SCFD1: variants seen among roughly 807,000 people sequenced by gnomAD.
SCFD1 encodes sec1 family domain containing 1, also known as sec1 family domain-containing protein 1.
Under a neutral mutation model 103.2 loss-of-function variants are expected in SCFD1, and 37 were observed. That is an observed-to-expected ratio of 0.36 (90% confidence interval 0.28 to 0.47). The LOEUF is 0.47. Ranked by LOEUF, SCFD1 falls within the 20% of genes least tolerant of loss-of-function variation. SCFD1 has a pLI of 1.00. For missense variants in SCFD1, 639 were observed against 761.2 expected (o/e 0.84, Z 1.89); for synonymous variants, 264 against 245.0 (o/e 1.08, Z -0.73).
At chr14:30,669,043 A>G (rs1374655655) in intron 10 of SCFD1, among the ~76,000 whole-genome samples, 2 of 152,148 alleles carry the variant, frequency 1.3e-5, no homozygotes, top group South Asian at 2.1e-4. Flanking sequence ...CAGCAATCCC[A>G]TTACTGGGTA....
At chr14:30,706,595 A>T (rs560894768) in intron 18 of SCFD1, among the ~76,000 whole-genome samples, 1 of 152,338 alleles carries the variant, frequency 6.6e-6, no homozygotes, top group Non-Finnish European at 1.5e-5. Flanking sequence ...TTCAGGATAG[A>T]TTCAAGCAGT....
chr14:30,731,619 G>A (rs1332745017), intron 23 of SCFD1, among the ~76,000 whole-genome samples: 1 of 152,126 alleles, frequency 6.6e-6, no homozygotes, highest in Admixed American at 6.5e-5. Flanking sequence ...AAGCAATTGT[G>A]AATGGGAGTT....
chr14:30,706,265 T>C (rs1212733999), intron 18 of SCFD1, among the ~76,000 whole-genome samples: 1 of 152,194 alleles, frequency 6.6e-6, no homozygotes, highest in Non-Finnish European at 1.5e-5. Flanking sequence ...TTTTTTATAG[T>C]ATCATCCCTA....
At chr14:30,643,505 A>G (rs1219407131) in intron 7 of SCFD1, 100 bp downstream of exon 7, 1 of 838,212 alleles carries the variant, frequency 1.2e-6, no homozygotes, top group South Asian at 1.4e-5. Flanking sequence ...ACTTACCTGG[A>G]TCTCTAGAGG....
chr14:30,703,057 TAA>T (rs34027870), intron 17 of SCFD1, among the ~76,000 whole-genome samples: 6 of 140,188 alleles, frequency 4.3e-5, no homozygotes, highest in Admixed American at 7.2e-5. Context: ...TATTGCAAAG[TAA>T]AAAAAAAAAA....
At chr14:30,732,231 A>G (rs146767055) in intron 23 of SCFD1, among the ~76,000 whole-genome samples, 4 of 152,268 alleles carry the variant, frequency 2.6e-5, no homozygotes, top group African/African-American at 7.2e-5. Flanking sequence ...AGAAGTTTCT[A>G]TATACAAGAT....
chr14:30,705,736 A>G, intron 17 of SCFD1, 87 bp from the exon 18 acceptor site: 1 of 951,670 alleles, frequency 1.1e-6, no homozygotes, highest in Non-Finnish European at 1.7e-6. Flanking sequence ...CATAGAAGTT[A>G]GAGTTAGTCA....
intron 15 of SCFD1, among the ~76,000 whole-genome samples, chr14:30,697,869 G>C (rs1726218016): frequency 6.6e-6 from 1 of 152,190 alleles, no homozygotes; most frequent in Non-Finnish European, 1.5e-5. Flanking sequence ...CATGACAACT[G>C]TATGTGGCAC....
chr14:30,665,401 A>G (rs1356089036), intron 10 of SCFD1, among the ~76,000 whole-genome samples: 1 of 152,216 alleles, frequency 6.6e-6, no homozygotes, highest in South Asian at 2.1e-4. Context: ...AGCACTAAAC[A>G]TGGAAAGGAA....
At chr14:30,718,533 A>T (rs1892441325) in intron 20 of SCFD1, among the ~76,000 whole-genome samples, 1 of 152,246 alleles carries the variant, frequency 6.6e-6, no homozygotes, top group African/African-American at 2.4e-5. Flanking sequence ...TCCTGTTCCC[A>T]GATGGACAAA....
At chr14:30,701,462 G>A (rs1276520947) in intron 16 of SCFD1, among the ~76,000 whole-genome samples, 1 of 151,968 alleles carries the variant, frequency 6.6e-6, no homozygotes, top group East Asian at 1.9e-4. Context: ...GGCTGAGGCA[G>A]GAGAATGCCT....
Position 30,702,325 on chromosome 14 carries a change from A to G in SCFD1, c.1440A>G (p.Leu480=). The part of the protein sequence containing the change: ...EADLEQYKKA[L]TDAGCNLNPL... ...ATTTGGAGCAATATAAAAAAGCTTT[A>G]ACTGATGCAGGATGCAACCTTAATC... is the stretch of plus-strand genomic sequence containing the variant. Residue 480 remains leucine, a synonymous_variant, in exon 17 of 25, where the codon TTA becomes TTG. Coordinates refer to ENST00000458591, the MANE Select transcript of SCFD1 (RefSeq NM_016106.4). 1 of 1,601,708 alleles carries G rather than the reference A, an allele frequency of 6.2e-7. No individual in the cohort carries two copies. Among genetic ancestry groups the G allele is most frequent in the South Asian group, 1.1e-5 (1 of 88,230 alleles).
intron 14 of SCFD1, chr14:30,683,093 C>A: frequency 7.5e-7 from 1 of 1,337,792 alleles, no homozygotes; most frequent in South Asian, 1.2e-5. Context: ...CTTGCAGATA[C>A]TTCTTAAAAG....
Position 30,734,843 on chromosome 14 carries a change from A to C in SCFD1, c.1890A>C (p.Thr630=), listed in dbSNP as rs573736371. Residue 630 remains threonine (T), a synonymous_variant, in exon 24 of 25, where the codon ACA becomes ACC. Transcript: ENST00000458591. ...LYGCSELFNA[T]QFIKQLSQLG... ...GCTGCAGTGAGCTTTTTAATGCTAC[A>C]CAGTTCATAAAACAGGTAAAGTATA... The C allele has an allele frequency of 1.4e-4, 229 of 1,612,002 alleles. 1 individual carries two copies. The South Asian group carries it at 2.0e-3, about 14-fold the overall frequency.
intron 2 of SCFD1, 75 bp from the exon 3 acceptor site, chr14:30,630,402 A>G: frequency 1.2e-6 from 1 of 840,372 alleles, no homozygotes; most frequent in Non-Finnish European, 2.0e-6. Flanking sequence ...AATAAAATTT[A>G]CTTCAACATT....
At chr14:30,644,972 A>T (rs1258591167) in intron 7 of SCFD1, among the ~76,000 whole-genome samples, 3 of 152,124 alleles carry the variant, frequency 2.0e-5, no homozygotes, top group Non-Finnish European at 2.9e-5. Flanking sequence ...GAGGTCTTAC[A>T]TTTAAGTCTT....
chr14:30,728,906 G>A (rs535592390), intron 23 of SCFD1, among the ~76,000 whole-genome samples: 4 of 144,208 alleles, frequency 2.8e-5, no homozygotes, highest in African/African-American at 5.2e-5. Context: ...GTGCAGTGGC[G>A]CAATTTTGGC....
chr14:30,667,895 A>C (rs1426053484), intron 10 of SCFD1, among the ~76,000 whole-genome samples: 1 of 152,210 alleles, frequency 6.6e-6, no homozygotes, highest in African/African-American at 2.4e-5. Context: ...GCTCAACGAA[A>C]TAAAAGAGGA....
intron 7 of SCFD1, among the ~76,000 whole-genome samples, chr14:30,647,332 CA>C (rs1885938893): frequency 6.6e-6 from 1 of 151,946 alleles, no homozygotes. Flanking sequence ...AATTTATATG[CA>C]AATTGTATGG....
Sources: gnomAD v4.1 joint callset for allele counts (sites outside exome capture counted in the v4.1 genomes callset) on GRCh38, gnomAD v4.1.1 for gene constraint, MANE v1.5 for transcripts, NCBI Gene and HGNC (gene_info 2026-07-23, HGNC 2026-07-21) for gene names.